The following FBXO15 variants were observed in gnomAD, a reference collection of about 807,000 sequenced individuals.
FBXO15 encodes the protein F-box only protein 15.
A neutral mutation model predicts 49.5 loss-of-function variants in FBXO15; 30 were observed. The ratio of observed to expected loss-of-function variants is 0.61; its 90% confidence interval spans 0.45 to 0.82. FBXO15 has a LOEUF of 0.82. FBXO15 is among the 40% of genes least tolerant of loss of function. FBXO15 has a pLI of 0.00. For synonymous variants in FBXO15, 250 were observed against 232.7 expected, an observed-to-expected ratio of 1.07 and a Z score of -0.68; for missense variants, 591 against 631.5, an observed-to-expected ratio of 0.94 and a Z score of 0.69.
At chr18:74,141,469 A>G (rs1181050040) in intron 1 of FBXO15, among the ~76,000 whole-genome samples, 1 of 152,224 alleles carries the variant, frequency 6.6e-6, no homozygotes, top group East Asian at 1.9e-4. Context: ...GTTCACCAAC[A>G]TCATTGCTTT....
intron 1 of FBXO15, chr18:74,147,035 C>T (rs1309539323): frequency 2.0e-5 from 3 of 152,120 alleles, no homozygotes; most frequent in Middle Eastern, 3.2e-3. Flanking sequence ...CATAAGGTAC[C>T]ATTATGCATG....
chr18:74,143,065 C>T (rs1979183860), intron 1 of FBXO15, among the ~76,000 whole-genome samples: 1 of 152,156 alleles, frequency 6.6e-6, no homozygotes, highest in Non-Finnish European at 1.5e-5. Context: ...ACCTGTAACC[C>T]TTAAGCCTAT....
intron 9 of FBXO15, 69 bp from the exon 10 acceptor site, chr18:74,073,799 ACT>A (rs1271922962): frequency 3.5e-5 from 53 of 1,520,646 alleles, no homozygotes; most frequent in Non-Finnish European, 4.6e-5. Flanking sequence ...GAAAATCGTG[ACT>A]CTGTAAAACT....
At chr18:74,136,051 T>G (rs1978702197) in intron 2 of FBXO15, among the ~76,000 whole-genome samples, 185 bp from the exon 3 acceptor site, 1 of 152,224 alleles carries the variant, frequency 6.6e-6, no homozygotes, top group Admixed American at 6.5e-5. Flanking sequence ...CTGGTTATTC[T>G]AATTCTCATG....
intron 8 of FBXO15, among the ~76,000 whole-genome samples, chr18:74,090,925 G>A (rs1315838649): frequency 2.0e-5 from 3 of 152,032 alleles, no homozygotes; most frequent in Non-Finnish European, 2.9e-5. Flanking sequence ...TTGGTCAAGT[G>A]TCAAGTTCAG....
chr18:74,097,955 C>T (rs1039025718), intron 8 of FBXO15: 1 of 152,496 alleles, frequency 6.6e-6, no homozygotes, highest in South Asian at 2.1e-4. Flanking sequence ...GCAGACACCC[C>T]CTCCTTCCCC....
intron 1 of FBXO15, chr18:74,147,057 G>A (rs1484902019): frequency 6.6e-6 from 1 of 152,194 alleles, no homozygotes; most frequent in Non-Finnish European, 1.5e-5. Flanking sequence ...TGATACTTCT[G>A]ATGCACTGGC....
At chr18:74,116,553 A>G (rs1029906005) in intron 8 of FBXO15, among the ~76,000 whole-genome samples, 4 of 152,160 alleles carry the variant, frequency 2.6e-5, no homozygotes, top group African/African-American at 9.7e-5. Context: ...TTGAAGTTTT[A>G]TCCTTTCCAC....
At chr18:74,090,718 T>G (rs902564988) in intron 8 of FBXO15, among the ~76,000 whole-genome samples, 1 of 152,202 alleles carries the variant, frequency 6.6e-6, no homozygotes, top group Non-Finnish European at 1.5e-5. Context: ...TTTGAGTTAT[T>G]TTCTTAGTAT....
intron 8 of FBXO15, 114 bp from the exon 9 acceptor site, chr18:74,082,165 G>T: frequency 2.9e-6 from 3 of 1,023,052 alleles, no homozygotes; most frequent in Non-Finnish European, 4.2e-6. Flanking sequence ...CCTGGCCTCA[G>T]CGATGAGGGC....
rs753812889 is a variant in FBXO15, at chr18:74,140,285, T to C, written c.144A>G (p.Ala48=). ...CATGGCACCTCAGGGCAGCAGAGCC[T>C]GCAGAAAGCTTGACCCCTGGCCCCT... The part of the protein sequence containing the change: ...CRKGPGVKLS[A]GSAALRCHAG... Residue 48 remains alanine (A), a synonymous_variant, in exon 2 of 10, where the codon GCA becomes GCG. Coordinates refer to ENST00000419743, the MANE Select transcript of FBXO15 (RefSeq NM_001142958.2). The C allele has an allele frequency of 6.4e-6, 10 of 1,551,432 alleles. No individual in the cohort carries two copies. In the South Asian group the frequency reaches 9.5e-5, roughly 15 times the overall value.
At chr18:74,137,300 A>G (rs1978781347) in intron 2 of FBXO15, among the ~76,000 whole-genome samples, 1 of 152,234 alleles carries the variant, frequency 6.6e-6, no homozygotes, top group South Asian at 2.1e-4. Context: ...TATTTTTGTG[A>G]CCATTTGGAT....
chr18:74,110,040 G>T (rs1002054668), intron 8 of FBXO15, among the ~76,000 whole-genome samples: 2 of 151,488 alleles, frequency 1.3e-5, no homozygotes, highest in African/African-American at 4.9e-5. Flanking sequence ...GAAATAAAGA[G>T]CACTGAAGGA....
intron 7 of FBXO15, among the ~76,000 whole-genome samples, chr18:74,124,025 C>T (rs1488123584): frequency 6.6e-6 from 1 of 151,948 alleles, no homozygotes; most frequent in African/African-American, 2.4e-5. Context: ...GAGTCTAAGT[C>T]CACAGGAAAA....
At chr18:74,082,672 ACAGGCCTCTTGTGGCAGGGAGAGCCGCAG>A (rs1912555894) in intron 8 of FBXO15, among the ~76,000 whole-genome samples, 1 of 152,154 alleles carries the variant, frequency 6.6e-6, no homozygotes, top group African/African-American at 2.4e-5. Flanking sequence ...CCCTGCTGCC[ACAGGCCTCTTGTGGCAGGGAGAGCCGCAG>A]CACCACTCGG....
At chr18:74,086,095 C>T (rs1336585370) in intron 8 of FBXO15, among the ~76,000 whole-genome samples, 1 of 152,024 alleles carries the variant, frequency 6.6e-6, no homozygotes, top group Non-Finnish European at 1.5e-5. Context: ...TATACTGTTT[C>T]TAATGCTTTA....
chr18:74,073,912 C>T (rs529117802), intron 9 of FBXO15, among the ~76,000 whole-genome samples, 182 bp from the exon 10 acceptor site: 15 of 152,162 alleles, frequency 9.9e-5, no homozygotes, highest in Non-Finnish European at 2.1e-4. Context: ...TTGTGTGTCT[C>T]ATCACTTAAT....
Position 74,140,363 on chromosome 18 carries a change from A to C in FBXO15, c.117-51T>G, listed in dbSNP as rs974649937. 3.4e-6 allele frequency: 5 copies of C among 1,482,044 alleles called. No homozygotes were observed. The Admixed American group carries it at 6.1e-5, about 18-fold the overall frequency. 91.8% of individuals were successfully genotyped at this position (1,482,044 alleles called of 1,614,324 possible). A position where few individuals can be genotyped will look rare whatever the true frequency, so the allele number is the denominator to read the frequency against. ...ATTATGTAATTACCAAATGAGGTGAATTATCTATTCCCTTCTACAAAATTC... is the reference window on the plus strand; with the variant it reads ...ATTATGTAATTACCAAATGAGGTGACTTATCTATTCCCTTCTACAAAATTC... On this transcript the variant is annotated intron_variant, in intron 1 of 9. Transcript: ENST00000419743.
chr18:74,102,093 A>G (rs1183571319), intron 8 of FBXO15, among the ~76,000 whole-genome samples: 1 of 152,218 alleles, frequency 6.6e-6, no homozygotes. Context: ...AGGAAATGCA[A>G]TAAAAATAAA....
Sources: gnomAD v4.1 joint callset for allele counts (sites outside exome capture counted in the v4.1 genomes callset) on GRCh38, gnomAD v4.1.1 for gene constraint, MANE v1.5 for transcripts, NCBI Gene and HGNC (gene_info 2026-07-23, HGNC 2026-07-21) for gene names.